Variants in SVIL observed in about 807,000 individuals in gnomAD.
SVIL encodes the protein supervillin, also known as archvillin.
SVIL carries 101 observed loss-of-function variants against 240.4 expected under a neutral mutation model. The ratio of observed to expected loss-of-function variants is 0.42; its 90% confidence interval spans 0.36 to 0.50. The LOEUF (loss-of-function observed/expected upper bound fraction) is 0.50. Among genes scored for constraint, SVIL ranks in the 20% least tolerant of loss-of-function variants. SVIL has a pLI of 0.01. For missense variants in SVIL, 2,512 were observed against 2,818.7 expected (o/e 0.89, Z 2.46); for synonymous variants, 999 against 1,100.0 (o/e 0.91, Z 1.82).
At chr10:29,627,179 T>G (rs1233681035) in intron 1 of SVIL, among the ~76,000 whole-genome samples, 1 of 152,106 alleles carries the variant, frequency 6.6e-6, no homozygotes, top group Admixed American at 6.6e-5. Context: ...AAAAAAGATC[T>G]TCTTTCTCAA....
intron 1 of SVIL, among the ~76,000 whole-genome samples, chr10:29,579,190 C>A (rs1166221388): frequency 6.6e-6 from 1 of 151,982 alleles, no homozygotes; most frequent in East Asian, 1.9e-4. Context: ...GTAATCCCAG[C>A]ACTTTGGGAG....
chr10:29,506,792 A>AG (rs1564535809), intron 17 of SVIL, among the ~76,000 whole-genome samples: 5 of 134,996 alleles, frequency 3.7e-5, no homozygotes, highest in Non-Finnish European at 6.5e-5. Context: ...CAGAGGCCCT[A>AG]TGAGGGAGGG....
At chr10:29,566,796 C>G (rs1252026819) in intron 2 of SVIL, among the ~76,000 whole-genome samples, 1 of 152,084 alleles carries the variant, frequency 6.6e-6, no homozygotes, top group Non-Finnish European at 1.5e-5. Flanking sequence ...GACCAGTGAC[C>G]CCAAAAGCAT....
intron 1 of SVIL, among the ~76,000 whole-genome samples, chr10:29,714,273 G>A (rs561180806): frequency 6.6e-5 from 10 of 152,244 alleles, no homozygotes; most frequent in Non-Finnish European, 7.4e-5. Context: ...GGGATTTTCC[G>A]GAAGGCACTT....
intron 34 of SVIL, 107 bp downstream of exon 34, chr10:29,465,488 G>A (rs2132285569): frequency 7.3e-7 from 1 of 1,378,994 alleles, no homozygotes; most frequent in Admixed American, 2.7e-5. Flanking sequence ...CTCTGGGAAT[G>A]TACTTGGCAA....
intron 6 of SVIL, among the ~76,000 whole-genome samples, chr10:29,547,164 G>T (rs1266909405): frequency 1.3e-5 from 2 of 151,988 alleles, no homozygotes; most frequent in African/African-American, 4.8e-5. Context: ...GAATTTCCTG[G>T]TTCTAGATAA....
At chr10:29,656,001 G>A (rs1236912636) in intron 3 of SVIL, among the ~76,000 whole-genome samples, 2 of 151,406 alleles carry the variant, frequency 1.3e-5, no homozygotes, top group Non-Finnish European at 2.9e-5. Context: ...CTCCCGAGTA[G>A]CTGGGACTAC....
At chr10:29,499,399 T>C (rs1254729815) in intron 17 of SVIL, 136 bp from the exon 18 acceptor site, 18 of 1,169,906 alleles carry the variant, frequency 1.5e-5, no homozygotes, top group Middle Eastern at 2.9e-4. Flanking sequence ...TGTTCAAAAA[T>C]GTTCTATCTG....
At chr10:29,463,311 C>A (rs1474511346) in intron 35 of SVIL, among the ~76,000 whole-genome samples, 181 bp downstream of exon 35, 1 of 152,212 alleles carries the variant, frequency 6.6e-6, no homozygotes, top group African/African-American at 2.4e-5. Context: ...ATGCGCTAAT[C>A]TAAAACTTAA....
At chr10:29,566,267 G>C (rs1333394594) in intron 2 of SVIL, among the ~76,000 whole-genome samples, 2 of 152,238 alleles carry the variant, frequency 1.3e-5, no homozygotes, top group African/African-American at 4.8e-5. Flanking sequence ...ATAATTGCAC[G>C]TGTTTATAAA....
intron 1 of SVIL, among the ~76,000 whole-genome samples, chr10:29,601,968 T>C (rs1320294072): frequency 6.6e-6 from 1 of 152,216 alleles, no homozygotes; most frequent in Non-Finnish European, 1.5e-5. Flanking sequence ...TAATTGTTTC[T>C]CTTTGTACCA....
intron 1 of SVIL, among the ~76,000 whole-genome samples, chr10:29,727,773 G>T (rs1189886893): frequency 2.0e-5 from 3 of 150,884 alleles, no homozygotes; most frequent in Non-Finnish European, 4.4e-5. Flanking sequence ...GTCACAAAAA[G>T]AGCAATATTT....
At chr10:29,492,108 T>A (rs1329697167) in intron 21 of SVIL, among the ~76,000 whole-genome samples, 1 of 152,090 alleles carries the variant, frequency 6.6e-6, no homozygotes, top group Non-Finnish European at 1.5e-5. Context: ...CTTCTGGTAA[T>A]AGCATCTGGA....
At position 29,680,407 on chromosome 10, in the gene SVIL, C is replaced by T. The variant is rs115344028; in HGVS notation, c.-301+6146G>A. Among the ~76,000 whole-genome samples the T allele has an allele frequency of 1.7e-3, 261 of 152,268 alleles. 3 individuals are homozygous for T. The highest frequency in any genetic ancestry group is 6.0e-3 in the African/African-American group (251 of 41,546). ...AAGGTGTTCCAGGTAGTATGCAACA[C>T]GAGGCCTGGAGCCTGCTATTTTCAG... On this transcript the variant is annotated intron_variant, in intron 2 of 35. Coordinates refer to the SVIL transcript ENST00000375400.
At chr10:29,652,687 C>T (rs1958875936) in intron 3 of SVIL, among the ~76,000 whole-genome samples, 1 of 152,142 alleles carries the variant, frequency 6.6e-6, no homozygotes, top group African/African-American at 2.4e-5. Flanking sequence ...GAAACACGGG[C>T]ATTCCAATTT....
intron 2 of SVIL, among the ~76,000 whole-genome samples, chr10:29,658,234 T>C (rs1301120085): frequency 7.2e-5 from 11 of 152,206 alleles, no homozygotes; most frequent in Non-Finnish European, 1.6e-4. Context: ...AACTACAGAT[T>C]ACAGGCAGTG....
chr10:29,540,527 G>C (rs1226754907), intron 6 of SVIL, among the ~76,000 whole-genome samples: 2 of 152,198 alleles, frequency 1.3e-5, no homozygotes, highest in Non-Finnish European at 2.9e-5. Flanking sequence ...CACACGACTG[G>C]TAACAGAAGG....
In SVIL at chr10:29,718,984, C is replaced by T. The variant is rs551728905; in HGVS notation, c.-400+16767G>A. Among the ~76,000 whole-genome samples the T allele has an allele frequency of 8.8e-4, 134 of 152,244 alleles. 2 individuals carry two copies. Among genetic ancestry groups the T allele is most frequent in the Admixed American group, 5.7e-3 (87 of 15,306 alleles). ...AATTAGCCAGGCATGGTAGAAAGTG[C>T]CTGTCATCCCAGCTACTTGGGAGGC... is the stretch of plus-strand genomic sequence containing the variant. On this transcript the variant is annotated intron_variant, in intron 1 of 35. Transcript: ENST00000375400.
At chr10:29,503,187 A>G (rs973409093) in intron 17 of SVIL, among the ~76,000 whole-genome samples, 2 of 152,232 alleles carry the variant, frequency 1.3e-5, no homozygotes, top group African/African-American at 4.8e-5. Context: ...TATGAAAGAA[A>G]TTTAGCTTTG....
Sources: allele counts gnomAD v4.1 joint callset (sites outside exome capture counted in the v4.1 genomes callset), GRCh38; gene constraint gnomAD v4.1.1; transcripts MANE v1.5; gene names NCBI Gene and HGNC (gene_info 2026-07-23, HGNC 2026-07-21).